The following PCCA variants were observed in gnomAD, a reference collection of about 807,000 sequenced individuals.
PCCA encodes the protein propionyl-CoA carboxylase subunit alpha.
PCCA carries 74 observed loss-of-function variants against 101.3 expected under a neutral mutation model. The ratio of observed to expected loss-of-function variants is 0.73; its 90% CI spans 0.61 to 0.89. The LOEUF (loss-of-function observed/expected upper bound fraction) is 0.89. Ranked by LOEUF, PCCA falls within the 40% of genes least tolerant of loss-of-function variation. The probability of loss-of-function intolerance (pLI) is 0.00; values close to 1 mark genes in which losing one functional copy is unlikely to be tolerated. For missense variants in PCCA, 891 were observed against 907.0 expected (o/e 0.98, Z 0.23); for synonymous variants, 294 against 313.6 (o/e 0.94, Z 0.66).
intron 6 of PCCA, among the ~76,000 whole-genome samples, chr13:100,203,409 G>A (rs1425681585): frequency 6.6e-6 from 1 of 152,118 alleles, no homozygotes; most frequent in Admixed American, 6.5e-5. Context: ...TTGTATTGGG[G>A]CCAGGCATGG....
chr13:100,498,419 G>GT (rs750129574), intron 21 of PCCA, among the ~76,000 whole-genome samples: 86 of 152,076 alleles, frequency 5.7e-4, no homozygotes, highest in Admixed American at 1.7e-3. Flanking sequence ...AAACACGCCC[G>GT]TATTAGTGAC....
At chr13:100,285,966 T>C (rs943363373) in intron 12 of PCCA, among the ~76,000 whole-genome samples, 1 of 151,922 alleles carries the variant, frequency 6.6e-6, no homozygotes, top group Non-Finnish European at 1.5e-5. Flanking sequence ...CCTCTCACCC[T>C]CCCTCTCCCC....
intron 22 of PCCA, chr13:100,527,176 T>C: frequency 2.5e-6 from 1 of 403,682 alleles, no homozygotes; most frequent in Non-Finnish European, 5.1e-6. Context: ...TACGATTCGG[T>C]GGTTTCAGTC....
At chr13:100,128,407 T>C (rs913000611) in intron 4 of PCCA, among the ~76,000 whole-genome samples, 15 of 152,322 alleles carry the variant, frequency 9.8e-5, no homozygotes, top group African/African-American at 3.6e-4. Flanking sequence ...ATAGGATTGC[T>C]GCTTTAGAGA....
In PCCA at chr13:100,349,120, T is replaced by TTTTG. The variant is rs200111301; in HGVS notation, c.1643+8877_1643+8880dup. ...GCCAGGCCCGGCTAATTTTTGTATT[T>TTTTG]TTTGTTTGTTTGTTTGTTTTGAGAC... On this transcript the variant is annotated intron_variant, in intron 18 of 23. Transcript: ENST00000376285. Among the ~76,000 whole-genome samples the TTTTG allele has an allele frequency of 8.4e-5, 12 of 143,372 alleles. 1 individual carries two copies. In the South Asian group the frequency reaches 9.3e-4, roughly 11 times the overall value. The allele number at this position is 143,372 out of a possible 152,430, so 94.1% of individuals were successfully genotyped here. A position where few individuals can be genotyped will look rare whatever the true frequency, so the allele number is the denominator to read the frequency against.
intron 4 of PCCA, among the ~76,000 whole-genome samples, chr13:100,144,238 C>T (rs2052262683): frequency 6.6e-6 from 1 of 152,102 alleles, no homozygotes; most frequent in Admixed American, 6.5e-5. Context: ...TAATACTCAT[C>T]TGATAGTTTT....
At chr13:100,399,971 T>C (rs77941963) in intron 19 of PCCA, among the ~76,000 whole-genome samples, 5,013 of 152,280 alleles carry the variant, frequency 0.033, 261 homozygotes, top group African/African-American at 0.11. Context: ...AATTAATTTA[T>C]TTGAGTGGTT....
chr13:100,183,508 G>A (rs1213081480), intron 6 of PCCA, among the ~76,000 whole-genome samples: 2 of 152,192 alleles, frequency 1.3e-5, no homozygotes, highest in African/African-American at 4.8e-5. Context: ...CTGGCCATCG[G>A]GGGAAGTCAG....
At chr13:100,474,850 T>A (rs1412101031) in intron 21 of PCCA, among the ~76,000 whole-genome samples, 1 of 152,186 alleles carries the variant, frequency 6.6e-6, no homozygotes, top group East Asian at 1.9e-4. Context: ...AATATCTGCC[T>A]CTAAGGACTT....
At chr13:100,271,502 G>T (rs1444985453) in intron 11 of PCCA, among the ~76,000 whole-genome samples, 1 of 152,076 alleles carries the variant, frequency 6.6e-6, no homozygotes, top group Non-Finnish European at 1.5e-5. Flanking sequence ...GTTGCATGCA[G>T]TTGAACCAAG....
At chr13:100,337,003 T>A (rs1209882179) in intron 17 of PCCA, among the ~76,000 whole-genome samples, 1 of 152,034 alleles carries the variant, frequency 6.6e-6, no homozygotes, top group Non-Finnish European at 1.5e-5. Context: ...CACCTCTCAG[T>A]CTTCTCTGTC....
At chr13:100,159,559 G>C (rs1474339890) in intron 6 of PCCA, among the ~76,000 whole-genome samples, 1 of 152,008 alleles carries the variant, frequency 6.6e-6, no homozygotes, top group Non-Finnish European at 1.5e-5. Context: ...TTCACTTCAG[G>C]GAAGAAAATA....
intron 21 of PCCA, among the ~76,000 whole-genome samples, chr13:100,502,751 A>G (rs1310913388): frequency 2.6e-5 from 4 of 152,242 alleles, no homozygotes; most frequent in Non-Finnish European, 5.9e-5. Context: ...TCTTAGGAGT[A>G]AAGGACAGGG....
chr13:100,348,732 CTTTCTTTCTTTCTTT>C (rs2072671020), intron 18 of PCCA, among the ~76,000 whole-genome samples: 1 of 100,522 alleles, frequency 9.9e-6, no homozygotes, highest in South Asian at 3.8e-4. Flanking sequence ...TTTTTCCTTT[CTTTCTTTCTTTCTTT>C]CTTTCTTTCT....
intron 6 of PCCA, among the ~76,000 whole-genome samples, chr13:100,169,292 AT>A (rs1312351795): frequency 2.0e-5 from 3 of 151,928 alleles, no homozygotes; most frequent in Non-Finnish European, 4.4e-5. Context: ...TAATACAAAA[AT>A]TAGCCAGGTT....
intron 12 of PCCA, among the ~76,000 whole-genome samples, chr13:100,282,445 G>A (rs1312939426): frequency 1.3e-5 from 2 of 152,226 alleles, no homozygotes; most frequent in East Asian, 1.9e-4. Context: ...GAGGTGTGGA[G>A]GGAGAGGCGC....
At chr13:100,118,859 A>AT (rs138181456) in intron 4 of PCCA, among the ~76,000 whole-genome samples, 2,320 of 151,906 alleles carry the variant, frequency 0.015, 58 homozygotes, top group African/African-American at 0.053. Context: ...CAGTAATGTT[A>AT]TTTTTTTTAA....
intron 21 of PCCA, among the ~76,000 whole-genome samples, chr13:100,509,826 T>TTTTTTG (rs142898031): frequency 1.3e-5 from 2 of 149,454 alleles, no homozygotes; most frequent in East Asian, 2.0e-4. Flanking sequence ...TTTTGTGTTT[T>TTTTTTG]TTTTGTTTTG....
Position 100,095,553 on chromosome 13 carries a change from A to G in PCCA, c.105+6328A>G, listed in dbSNP as rs1158871898. The stretch of plus-strand genomic sequence containing the variant: ...GCTGAGTTGGGGATGTTACCTAATG[A>G]GACCATGGGGGACATTTCTGAGCAT... On this transcript the variant is annotated intron_variant, in intron 1 of 23. Transcript: ENST00000376285. Among the ~76,000 whole-genome samples, 3 of 152,230 alleles carry G rather than the reference A, an allele frequency of 2.0e-5. No individual in the cohort carries two copies. The East Asian group carries it at 5.8e-4, about 29-fold the overall frequency.
Sources: allele counts gnomAD v4.1 joint callset (sites outside exome capture counted in the v4.1 genomes callset), GRCh38; gene constraint gnomAD v4.1.1; transcripts MANE v1.5; gene names NCBI Gene and HGNC (gene_info 2026-07-23, HGNC 2026-07-21).